CTNNA2: variants seen among roughly 807,000 people sequenced by gnomAD.
CTNNA2 encodes the protein catenin alpha-2.
In CTNNA2, 42 loss-of-function variants were observed where a neutral mutation model predicts 101.0. That is an observed-to-expected ratio of 0.42 (90% CI 0.32 to 0.54). CTNNA2 has a LOEUF of 0.54. Ranked by LOEUF, CTNNA2 falls within the 20% of genes least tolerant of loss-of-function variation. CTNNA2 has a pLI of 0.14. For synonymous variants in CTNNA2, 450 were observed against 456.4 expected, an observed-to-expected ratio of 0.99 and a Z score of 0.18; for missense variants, 871 against 1,223.1, an observed-to-expected ratio of 0.71 and a Z score of 4.29.
intron 9 of CTNNA2, among the ~76,000 whole-genome samples, chr2:80,469,146 C>T (rs1486333280): frequency 6.6e-6 from 1 of 152,166 alleles, no homozygotes; most frequent in Non-Finnish European, 1.5e-5. Flanking sequence ...CAATTTACCT[C>T]TGAGAAAGTC....
At chr2:79,628,952 A>G (rs1679500737) in intron 1 of CTNNA2, among the ~76,000 whole-genome samples, 1 of 152,224 alleles carries the variant, frequency 6.6e-6, no homozygotes, top group Non-Finnish European at 1.5e-5. Context: ...AGGACAAAAT[A>G]TAAATTGATG....
intron 4 of CTNNA2, among the ~76,000 whole-genome samples, chr2:79,477,928 C>T (rs1279256914): frequency 6.6e-6 from 1 of 152,204 alleles, no homozygotes; most frequent in African/African-American, 2.4e-5. Context: ...AAGTCTGATA[C>T]TTCTGCATCT....
intron 7 of CTNNA2, among the ~76,000 whole-genome samples, chr2:80,368,774 CAAAAA>C (rs542151462): frequency 1.2e-5 from 1 of 86,128 alleles, no homozygotes; most frequent in African/African-American, 3.7e-5. Flanking sequence ...CCATTTTTAG[CAAAAA>C]AAAAAAGAAA....
intron 1 of CTNNA2, among the ~76,000 whole-genome samples, chr2:79,596,433 A>G (rs1404226200): frequency 6.6e-6 from 1 of 152,174 alleles, no homozygotes; most frequent in East Asian, 1.9e-4. Flanking sequence ...ACCATGAAGA[A>G]ATATACCTTG....
At chr2:80,297,276 G>C (rs1675830682) in intron 7 of CTNNA2, among the ~76,000 whole-genome samples, 2 of 152,180 alleles carry the variant, frequency 1.3e-5, no homozygotes. Flanking sequence ...TAAAGAAACA[G>C]TGTGTAGTGA....
intron 1 of CTNNA2, among the ~76,000 whole-genome samples, chr2:79,519,730 A>G (rs1354674858): frequency 1.3e-5 from 2 of 152,152 alleles, no homozygotes; most frequent in African/African-American, 4.8e-5. Flanking sequence ...ATAAAATTGC[A>G]AATTTAGCTT....
chr2:79,613,136 A>G (rs1395390845), intron 1 of CTNNA2, among the ~76,000 whole-genome samples: 1 of 149,228 alleles, frequency 6.7e-6, no homozygotes, highest in African/African-American at 2.5e-5. Context: ...CATCACCATT[A>G]GTATGTTTAC....
rs1212946297 is a variant in CTNNA2, at chr2:79,734,606, G to A, written c.103-9781G>A. Among the ~76,000 whole-genome samples, 4 of 152,030 alleles carry A rather than the reference G, an allele frequency of 2.6e-5. No homozygotes were observed. In the East Asian group the frequency reaches 7.7e-4, roughly 29 times the overall value. On this transcript the variant is annotated intron_variant, in intron 2 of 18. Transcript: ENST00000402739. Reference sequence around the variant, plus strand: ...TTTAAGGATATATAAAGTGCAGAAAGATTAAAACATCTTAAGGGAAAATGC... The same window carrying A: ...TTTAAGGATATATAAAGTGCAGAAAAATTAAAACATCTTAAGGGAAAATGC...
At chr2:79,200,816 G>GA (rs902248102) in intron 2 of CTNNA2, among the ~76,000 whole-genome samples, 265 of 147,540 alleles carry the variant, frequency 1.8e-3, no homozygotes, top group African/African-American at 5.3e-3. Flanking sequence ...TGAGCTCCTT[G>GA]AAAAAAAAAA....
chr2:80,286,548 C>T (rs1674782122), intron 7 of CTNNA2, among the ~76,000 whole-genome samples: 1 of 152,194 alleles, frequency 6.6e-6, no homozygotes, highest in East Asian at 1.9e-4. Context: ...GAGCATTTTG[C>T]TGGTGCGCTT....
At chr2:79,726,788 C>T (rs959785017) in intron 2 of CTNNA2, among the ~76,000 whole-genome samples, 1 of 152,104 alleles carries the variant, frequency 6.6e-6, no homozygotes, top group Non-Finnish European at 1.5e-5. Flanking sequence ...TTCTATCTGC[C>T]TATTGGCATA....
At chr2:79,674,353 T>C (rs2104602372) in intron 2 of CTNNA2, among the ~76,000 whole-genome samples, 1 of 152,332 alleles carries the variant, frequency 6.6e-6, no homozygotes, top group East Asian at 1.9e-4. Context: ...TACAGACCCC[T>C]GTCATCTTCC....
At chr2:79,753,727 T>G (rs2861905) in intron 3 of CTNNA2, among the ~76,000 whole-genome samples, 33,814 of 152,110 alleles carry the variant, frequency 0.22, 4,671 homozygotes, top group East Asian at 0.47. Context: ...AGAAGCTTCT[T>G]CATGGGACCA....
chr2:80,508,815 AT>A (rs1449858335), intron 9 of CTNNA2, among the ~76,000 whole-genome samples: 1 of 151,988 alleles, frequency 6.6e-6, no homozygotes, highest in Non-Finnish European at 1.5e-5. Context: ...CTTTCCTACT[AT>A]TTCTGGCAGG....
At chr2:79,880,842 A>G (rs1683373393) in intron 6 of CTNNA2, among the ~76,000 whole-genome samples, 1 of 150,804 alleles carries the variant, frequency 6.6e-6, no homozygotes, top group Admixed American at 6.6e-5. Flanking sequence ...GATCTTAGTT[A>G]TTTCTTATAT....
intron 9 of CTNNA2, among the ~76,000 whole-genome samples, chr2:80,422,903 A>T (rs1190362619): frequency 6.6e-6 from 1 of 151,494 alleles, no homozygotes; most frequent in Non-Finnish European, 1.5e-5. Flanking sequence ...TGACTATTTA[A>T]TTTTTTTAAA....
rs141077995 is a variant in CTNNA2, at chr2:80,181,876, T to C, written c.1057-211335T>C. Among the ~76,000 whole-genome samples the C allele has an allele frequency of 1.6e-3, 238 of 152,260 alleles. 1 individual carries two copies. Among genetic ancestry groups the C allele is most frequent in the African/African-American group, 5.4e-3 (223 of 41,546 alleles). On this transcript the variant is annotated intron_variant, in intron 7 of 18. Coordinates refer to ENST00000402739, the MANE Select transcript of CTNNA2 (RefSeq NM_001282597.3). Reference sequence around the variant, plus strand: ...TCCATGCTATTAGAAGTAGAGTCCTTAGCATTTTTTGTCTAATCATATTAA... The same window carrying C: ...TCCATGCTATTAGAAGTAGAGTCCTCAGCATTTTTTGTCTAATCATATTAA...
At chr2:79,705,135 C>T (rs1260794385) in intron 2 of CTNNA2, among the ~76,000 whole-genome samples, 1 of 152,114 alleles carries the variant, frequency 6.6e-6, no homozygotes, top group Non-Finnish European at 1.5e-5. Flanking sequence ...GTTCCACTCC[C>T]TGCTCCCCAC....
chr2:80,125,009 G>C (rs975524820), intron 7 of CTNNA2, among the ~76,000 whole-genome samples: 4 of 152,164 alleles, frequency 2.6e-5, no homozygotes, highest in African/African-American at 7.2e-5. Flanking sequence ...TGATTTGCCA[G>C]CTTGGAAGAG....
Sources: allele counts gnomAD v4.1 joint callset (sites outside exome capture counted in the v4.1 genomes callset), GRCh38; gene constraint gnomAD v4.1.1; transcripts MANE v1.5; gene names NCBI Gene and HGNC (gene_info 2026-07-23, HGNC 2026-07-21).